The following PLEKHM3 variants were observed in gnomAD, a reference collection of about 807,000 sequenced individuals.
PLEKHM3 encodes pleckstrin homology domain containing M3.
PLEKHM3 carries 45 observed loss-of-function variants against 81.8 expected under a neutral mutation model. That is an observed-to-expected ratio of 0.55 (90% confidence interval 0.43 to 0.71). PLEKHM3 has a LOEUF of 0.71. Among genes scored for constraint, PLEKHM3 ranks in the 30% least tolerant of loss-of-function variants. The probability of loss-of-function intolerance (pLI) is 0.00; values close to 1 mark genes in which losing one functional copy is unlikely to be tolerated. For missense variants in PLEKHM3, 788 were observed against 924.3 expected, an observed-to-expected ratio of 0.85 and a Z score of 1.91; for synonymous variants, 352 against 356.4, an observed-to-expected ratio of 0.99 and a Z score of 0.14.
In PLEKHM3 at chr2:207,965,669, G is replaced by A. The variant is rs10221690; in HGVS notation, c.1546+10982C>T. 4.4e-3 allele frequency among the ~76,000 whole-genome samples: 671 copies of A among 152,224 alleles called. 3 individuals are homozygous for A. The highest frequency in any genetic ancestry group is 0.015 in the African/African-American group (632 of 41,520). Reference sequence around the variant, plus strand: ...AATTATATAACATTCTTCTTCCATAGACTCGCATTACTGCTTTAGTATGTA... The same window carrying A: ...AATTATATAACATTCTTCTTCCATAAACTCGCATTACTGCTTTAGTATGTA... On this transcript the variant is annotated intron_variant, in intron 3 of 7. Transcript: ENST00000427836.
intron 6 of PLEKHM3, chr2:207,869,879 C>T (rs1433124166): frequency 6.6e-6 from 1 of 152,182 alleles, no homozygotes; most frequent in Non-Finnish European, 1.5e-5. Flanking sequence ...CACATTTTGC[C>T]TCCCTCTTCT....
rs774413679 is a variant in PLEKHM3 at position 207,977,573 on chromosome 2, T to C, written c.624A>G (p.Thr208=). 1.1e-5 allele frequency: 18 copies of C among 1,603,126 alleles called. No homozygotes were observed. The highest frequency in any genetic ancestry group is 2.2e-5 in the South Asian group (2 of 89,084). ...DAQGNTEHKQ[T]FPNILKKGYL... ...AACCCTTCTTTAGAATGTTTGGGAA[T>C]GTCTGCTTGTGTTCTAGAAAGGAAA... Residue 208 remains threonine, a synonymous_variant, in exon 3 of 8, where the codon ACA becomes ACG. Transcript: ENST00000427836.
intron 3 of PLEKHM3, among the ~76,000 whole-genome samples, chr2:207,968,807 C>T (rs1691013780): frequency 6.6e-6 from 1 of 152,154 alleles, no homozygotes; most frequent in African/African-American, 2.4e-5. Context: ...AGACAACAAT[C>T]CAAAACACTC....
intron 2 of PLEKHM3, among the ~76,000 whole-genome samples, chr2:207,979,311 G>A (rs1461505826): frequency 1.3e-5 from 2 of 152,236 alleles, no homozygotes; most frequent in Admixed American, 1.3e-4. Context: ...GAGGAGGGTG[G>A]ATCACCTGAG....
intron 3 of PLEKHM3, among the ~76,000 whole-genome samples, chr2:207,951,121 C>G (rs948546736): frequency 7.9e-5 from 12 of 152,142 alleles, no homozygotes; most frequent in African/African-American, 2.9e-4. Context: ...ATGTCTGAAA[C>G]AATTCCCCAT....
At chr2:208,007,354 T>C (rs1181414016) in intron 1 of PLEKHM3, among the ~76,000 whole-genome samples, 2 of 152,158 alleles carry the variant, frequency 1.3e-5, no homozygotes, top group Non-Finnish European at 2.9e-5. Flanking sequence ...GATCTGCCCC[T>C]AGTAAAATGG....
intron 3 of PLEKHM3, among the ~76,000 whole-genome samples, chr2:207,960,531 T>C (rs1162093556): frequency 6.6e-6 from 1 of 152,234 alleles, no homozygotes; most frequent in Non-Finnish European, 1.5e-5. Flanking sequence ...ATATATGTGA[T>C]ATTTTAATCC....
chr2:207,951,341 T>G (rs1233630656), intron 3 of PLEKHM3, among the ~76,000 whole-genome samples: 1 of 152,096 alleles, frequency 6.6e-6, no homozygotes, highest in Non-Finnish European at 1.5e-5. Context: ...TATTTACATA[T>G]TATATTTTTA....
At chr2:207,833,657 C>T (rs1432582111) in intron 7 of PLEKHM3, among the ~76,000 whole-genome samples, 1 of 152,178 alleles carries the variant, frequency 6.6e-6, no homozygotes, top group African/African-American at 2.4e-5. Context: ...CGGCTAGATG[C>T]CAATAGCCAT....
intron 7 of PLEKHM3, among the ~76,000 whole-genome samples, chr2:207,847,385 T>C (rs2092389632): frequency 6.6e-6 from 1 of 152,246 alleles, no homozygotes; most frequent in Non-Finnish European, 1.5e-5. Context: ...AAACTAGCAT[T>C]GTGCTGAAGA....
chr2:207,842,878 C>T (rs2092362248), intron 7 of PLEKHM3, among the ~76,000 whole-genome samples: 1 of 152,100 alleles, frequency 6.6e-6, no homozygotes, highest in South Asian at 2.1e-4. Context: ...TCAAAGGGAG[C>T]AACAGTCACA....
chr2:207,841,223 T>G (rs889713396), intron 7 of PLEKHM3, among the ~76,000 whole-genome samples: 2 of 150,994 alleles, frequency 1.3e-5, no homozygotes. Context: ...TCCCAGCCCT[T>G]TGGGAGGCCG....
At chr2:207,916,024 C>G (rs1340783597) in intron 5 of PLEKHM3, among the ~76,000 whole-genome samples, 2 of 152,138 alleles carry the variant, frequency 1.3e-5, no homozygotes, top group Admixed American at 6.5e-5. Flanking sequence ...TTCGTATGTC[C>G]AGCCATACTC....
chr2:207,985,592 A>G (rs1691688636), intron 2 of PLEKHM3, among the ~76,000 whole-genome samples: 1 of 152,122 alleles, frequency 6.6e-6, no homozygotes, highest in South Asian at 2.1e-4. Flanking sequence ...ACATTCAGAT[A>G]AAGTAATTAG....
chr2:207,961,963 G>A (rs1397052011), intron 3 of PLEKHM3, among the ~76,000 whole-genome samples: 4 of 152,166 alleles, frequency 2.6e-5, no homozygotes, highest in Non-Finnish European at 5.9e-5. Flanking sequence ...TCCATTCAAT[G>A]TCCTGGGCTA....
intron 6 of PLEKHM3, among the ~76,000 whole-genome samples, chr2:207,905,452 A>G (rs1270838635): frequency 6.6e-6 from 1 of 152,232 alleles, no homozygotes; most frequent in Non-Finnish European, 1.5e-5. Flanking sequence ...ATGCCCTTTC[A>G]CAAAGCAATG....
chr2:207,931,178 C>A, intron 4 of PLEKHM3, 59 bp from the exon 5 acceptor site: 1 of 1,454,322 alleles, frequency 6.9e-7, no homozygotes, highest in South Asian at 1.3e-5. Flanking sequence ...CACACCTGCT[C>A]AAACTAGGAA....
chr2:208,015,552 G>C (rs1315744002), intron 1 of PLEKHM3, among the ~76,000 whole-genome samples: 1 of 152,112 alleles, frequency 6.6e-6, no homozygotes, highest in East Asian at 1.9e-4. Flanking sequence ...ACAGGTTCCT[G>C]AACAAACACA....
chr2:207,998,427 G>A (rs187172649), intron 2 of PLEKHM3, among the ~76,000 whole-genome samples: 3 of 152,270 alleles, frequency 2.0e-5, no homozygotes, highest in Non-Finnish European at 2.9e-5. Context: ...TGGAAGGATC[G>A]CATGAGCGTG....
Sources: gnomAD v4.1 joint callset for allele counts (sites outside exome capture counted in the v4.1 genomes callset) on GRCh38, gnomAD v4.1.1 for gene constraint, MANE v1.5 for transcripts, NCBI Gene and HGNC (gene_info 2026-07-23, HGNC 2026-07-21) for gene names.